GAB2: variants seen among roughly 807,000 people sequenced by gnomAD.
GAB2 encodes the protein GRB2 associated binding protein 2, also known as GRB2-associated-binding protein 2.
Under a neutral mutation model 65.5 loss-of-function variants are expected in GAB2, and 26 were observed. The ratio of observed to expected loss-of-function variants is 0.40; its 90% CI spans 0.29 to 0.55. GAB2 has a LOEUF of 0.55. Ranked by LOEUF, GAB2 falls within the 20% of genes least tolerant of loss-of-function variation. GAB2 has a pLI of 0.53. For missense variants in GAB2, 884 were observed against 875.8 expected (o/e 1.01, Z -0.12); for synonymous variants, 321 against 329.6 (o/e 0.97, Z 0.28).
chr11:78,414,912 C>T (rs1395104638), intron 1 of GAB2, among the ~76,000 whole-genome samples: 2 of 152,202 alleles, frequency 1.3e-5, no homozygotes, highest in African/African-American at 4.8e-5. Flanking sequence ...CGTTTTGTCA[C>T]CCAGGCTGGA....
At chr11:78,270,954 A>C (rs1311358231) in intron 2 of GAB2, among the ~76,000 whole-genome samples, 1 of 152,262 alleles carries the variant, frequency 6.6e-6, no homozygotes, top group East Asian at 1.9e-4. Flanking sequence ...TTGAGACTCA[A>C]GTGCAGCTAG....
chr11:78,220,708 G>C lies in GAB2; in HGVS notation c.1762-264C>G, dbSNP rs192085048. Among the ~76,000 whole-genome samples the C allele has an allele frequency of 4.4e-3, 668 of 152,272 alleles. 3 individuals carry two copies. Among genetic ancestry groups the C allele is most frequent in the African/African-American group, 0.015 (633 of 41,544 alleles). Reference sequence around the variant, plus strand: ...AAGTGACTTTGCCTGTGGCTGCACAGCTGTTGAGTGATGGGAATCAGGTCT... The same window carrying C: ...AAGTGACTTTGCCTGTGGCTGCACACCTGTTGAGTGATGGGAATCAGGTCT... On this transcript the variant is annotated intron_variant, in intron 8 of 9. Coordinates refer to ENST00000361507, the MANE Select transcript of GAB2 (RefSeq NM_080491.3).
At chr11:78,257,595 T>C (rs2512532) in intron 2 of GAB2, among the ~76,000 whole-genome samples, 30,378 of 152,054 alleles carry the variant, frequency 0.2, 3,258 homozygotes, top group East Asian at 0.41. Context: ...GTTGAGACCT[T>C]GAGATTGGCC....
chr11:78,253,231 G>A (rs945595734), intron 2 of GAB2, among the ~76,000 whole-genome samples: 2 of 151,842 alleles, frequency 1.3e-5, no homozygotes, highest in African/African-American at 4.8e-5. Context: ...GGATGGTCTC[G>A]ATCACCACTG....
At chr11:78,249,840 A>G (rs1865396933) in intron 3 of GAB2, among the ~76,000 whole-genome samples, 1 of 141,542 alleles carries the variant, frequency 7.1e-6, no homozygotes, top group African/African-American at 2.9e-5. Flanking sequence ...AGCCCAAGTA[A>G]ATTGACTGTT....
intron 1 of GAB2, among the ~76,000 whole-genome samples, chr11:78,381,418 T>C (rs1565179338): frequency 6.6e-6 from 1 of 152,300 alleles, no homozygotes; most frequent in Non-Finnish European, 1.5e-5. Flanking sequence ...CTCAAAAAAG[T>C]AGTGAACTAG....
At position 78,259,437 on chromosome 11, in the gene GAB2, A is replaced by G. The variant is rs114957695; in HGVS notation, c.377-9037T>C. On this transcript the variant is annotated intron_variant, in intron 2 of 9. Coordinates refer to ENST00000361507, the MANE Select transcript of GAB2 (RefSeq NM_080491.3). ...TCTAAGGAGTGTGTGGTCCCTGTAG[A>G]AAGCTCACTGAAAAACAAGGAACAT... Among the ~76,000 whole-genome samples, 692 of 152,306 alleles carry G rather than the reference A, an allele frequency of 4.5e-3. 4 individuals carry two copies. Among genetic ancestry groups the G allele is most frequent in the African/African-American group, 0.016 (670 of 41,556 alleles).
intron 1 of GAB2, among the ~76,000 whole-genome samples, chr11:78,372,335 G>A (rs1036173076): frequency 1.3e-5 from 2 of 152,120 alleles, no homozygotes; most frequent in Non-Finnish European, 2.9e-5. Context: ...GATGTGAATC[G>A]TAGCTCCAAC....
intron 1 of GAB2, among the ~76,000 whole-genome samples, chr11:78,320,969 G>C (rs541660819): frequency 6.6e-6 from 1 of 152,014 alleles, no homozygotes; most frequent in Non-Finnish European, 1.5e-5. Context: ...ATATTTAACT[G>C]ATCAATTTCT....
intron 1 of GAB2, among the ~76,000 whole-genome samples, chr11:78,392,922 C>T (rs748081555): frequency 3.3e-5 from 5 of 152,158 alleles, no homozygotes; most frequent in Non-Finnish European, 7.3e-5. Flanking sequence ...CACTTTCCAC[C>T]GTCTTATCTC....
rs118145343 is a variant in GAB2 at position 78,241,656 on chromosome 11, T to C, written c.620+8501A>G. ...TCTTGCAGCTGAAGAATTCAATGAATGAAATAAAAAACACAACAGAGAGCT... is the reference window on the plus strand; with the variant it reads ...TCTTGCAGCTGAAGAATTCAATGAACGAAATAAAAAACACAACAGAGAGCT... On this transcript the variant is annotated intron_variant, in intron 3 of 9. Transcript: ENST00000361507. Among the ~76,000 whole-genome samples, 77 of 145,718 alleles carry C rather than the reference T, an allele frequency of 5.3e-4. 1 individual carries two copies. In the East Asian group the frequency reaches 0.013, roughly 24 times the overall value.
chr11:78,222,483 A>T (rs1306357401), intron 6 of GAB2, among the ~76,000 whole-genome samples: 3 of 150,526 alleles, frequency 2.0e-5, no homozygotes, highest in Admixed American at 6.6e-5. Flanking sequence ...TTTCTCCCTC[A>T]ATTTATGACT....
chr11:78,394,833 C>G (rs10899490), intron 1 of GAB2, among the ~76,000 whole-genome samples: 1 of 151,952 alleles, frequency 6.6e-6, no homozygotes, highest in Admixed American at 6.6e-5. Flanking sequence ...CTGAAAGAGA[C>G]GAAAAGAACT....
At chr11:78,377,875 A>C (rs1277602960) in intron 1 of GAB2, among the ~76,000 whole-genome samples, 2 of 152,178 alleles carry the variant, frequency 1.3e-5, no homozygotes, top group Non-Finnish European at 2.9e-5. Flanking sequence ...TTCAGACAAA[A>C]AGCAAGTACT....
At position 78,216,221 on chromosome 11, in the gene GAB2, C is replaced by CTT. The variant is rs1302705750; in HGVS notation, c.*3049_*3050dup. ...CCTATTTCTCATCGTTCTCACTTGA[C>CTT]TTAACCTTGCAGAAGTGGAGCTGGA... On this transcript the variant is annotated 3_prime_UTR_variant, in exon 10 of 10. Coordinates refer to ENST00000361507, the MANE Select transcript of GAB2 (RefSeq NM_080491.3). 6.6e-6 allele frequency: 1 copy of CTT among 152,452 alleles called. No homozygotes were observed. Among genetic ancestry groups the CTT allele is most frequent in the African/African-American group, 2.4e-5 (1 of 41,468 alleles). 9.4% of individuals were successfully genotyped at this position (152,452 alleles called of 1,614,324 possible).
chr11:78,302,750 T>G (rs147294450), intron 1 of GAB2, among the ~76,000 whole-genome samples: 247 of 152,316 alleles, frequency 1.6e-3, no homozygotes, highest in African/African-American at 5.6e-3. Flanking sequence ...CAGCACAATT[T>G]GCAATCGCAA....
intron 1 of GAB2, among the ~76,000 whole-genome samples, chr11:78,362,590 T>G (rs1360594978): frequency 6.6e-6 from 1 of 152,104 alleles, no homozygotes; most frequent in African/African-American, 2.4e-5. Flanking sequence ...GTAAATCAAT[T>G]TAATTCACCA....
chr11:78,228,843 G>A (rs972167458), intron 3 of GAB2, among the ~76,000 whole-genome samples: 1 of 151,988 alleles, frequency 6.6e-6, no homozygotes, highest in Non-Finnish European at 1.5e-5. Flanking sequence ...GGGTGGCGGG[G>A]GGAGCGAATG....
At chr11:78,374,458 C>T (rs1324830659) in intron 1 of GAB2, among the ~76,000 whole-genome samples, 1 of 152,144 alleles carries the variant, frequency 6.6e-6, no homozygotes, top group Non-Finnish European at 1.5e-5. Context: ...CGGGGGGGAA[C>T]CTGAAGTCCC....
Sources: allele counts gnomAD v4.1 joint callset (sites outside exome capture counted in the v4.1 genomes callset), GRCh38; gene constraint gnomAD v4.1.1; transcripts MANE v1.5; gene names NCBI Gene and HGNC (gene_info 2026-07-23, HGNC 2026-07-21).